ZPBP: variants seen among roughly 807,000 people sequenced by gnomAD.
The protein encoded by ZPBP is zona pellucida-binding protein 1.
ZPBP carries 26 observed loss-of-function variants against 44.8 expected under a neutral mutation model. The observed-to-expected ratio is 0.58, with a 90% CI of 0.43 to 0.81. ZPBP has a LOEUF of 0.81. Ranked by LOEUF, ZPBP falls within the 30% of genes least tolerant of loss-of-function variation. ZPBP has a pLI of 0.00. For synonymous variants in ZPBP, 174 were observed against 153.2 expected (o/e 1.14, Z -1.00); for missense variants, 409 against 434.0 (o/e 0.94, Z 0.51).
intron 3 of ZPBP, among the ~76,000 whole-genome samples, chr7:50,064,021 T>G (rs762361324): frequency 6.6e-6 from 1 of 152,212 alleles, no homozygotes; most frequent in African/African-American, 2.4e-5. Context: ...CAGTCTCTTA[T>G]GTATCGGGGG....
chr7:50,002,901 A>G (rs147858383), intron 6 of ZPBP, among the ~76,000 whole-genome samples: 32 of 152,348 alleles, frequency 2.1e-4, no homozygotes, highest in African/African-American at 7.0e-4. Context: ...TTTGGGATAA[A>G]ACATTTATTG....
chr7:49,937,705 A>G, intron 7 of ZPBP, 83 bp from the exon 8 acceptor site: 1 of 1,116,212 alleles, frequency 9.0e-7, no homozygotes, highest in Non-Finnish European at 1.4e-6. Context: ...TTTTAAGTGT[A>G]TAGTTCAGTA....
chr7:49,877,683 TG>T (rs1285648905), intron 2 of ZPBP, among the ~76,000 whole-genome samples: 1 of 149,768 alleles, frequency 6.7e-6, no homozygotes, highest in Admixed American at 6.7e-5. Context: ...AGTCATGAAC[TG>T]GGTGTCAGGA....
At chr7:50,014,611 C>A (rs1798738344) in intron 6 of ZPBP, among the ~76,000 whole-genome samples, 1 of 151,330 alleles carries the variant, frequency 6.6e-6, no homozygotes, top group African/African-American at 2.4e-5. Flanking sequence ...ATTACAGGCA[C>A]CTACCACCAC....
chr7:49,931,878 G>A (rs1463568316), intron 1 of ZPBP, among the ~76,000 whole-genome samples: 2 of 152,258 alleles, frequency 1.3e-5, no homozygotes, highest in African/African-American at 4.8e-5. Flanking sequence ...GGGCCATGGT[G>A]CCCTGCACGT....
chr7:49,927,133 C>T (rs1794267600), intron 1 of ZPBP, among the ~76,000 whole-genome samples: 1 of 152,154 alleles, frequency 6.6e-6, no homozygotes, highest in Admixed American at 6.5e-5. Flanking sequence ...TAACTTTTAC[C>T]ACAGGACAAG....
At chr7:50,038,668 A>G (rs1408716158) in intron 4 of ZPBP, among the ~76,000 whole-genome samples, 2 of 152,250 alleles carry the variant, frequency 1.3e-5, no homozygotes, top group Admixed American at 6.5e-5. Context: ...TACAATATAC[A>G]GTCATGTGCT....
chr7:50,066,483 GGGC>G lies in ZPBP; in HGVS notation c.335-8345_335-8343del, dbSNP rs1189317328. On this transcript the variant is annotated intron_variant, in intron 3 of 7. Transcript: ENST00000046087. ...TACCCAGGTAGTGTCTACACAGTGT[GGGC>G]ATTTTTCTAGAGATTTCTTCCCTTT... Among the ~76,000 whole-genome samples, 290 of 152,188 alleles carry G rather than the reference GGGC, an allele frequency of 1.9e-3. 4 individuals are homozygous for G. The highest frequency in any genetic ancestry group is 6.7e-3 in the African/African-American group (277 of 41,526).
chr7:50,018,360 G>T, intron 5 of ZPBP, 44 bp from the exon 6 acceptor site: 1 of 1,354,830 alleles, frequency 7.4e-7, no homozygotes, highest in Non-Finnish European at 1.0e-6. Flanking sequence ...AATGTATTCT[G>T]TCACAATATT....
At chr7:49,974,316 A>G (rs1480977870) in intron 7 of ZPBP, among the ~76,000 whole-genome samples, 1 of 152,188 alleles carries the variant, frequency 6.6e-6, no homozygotes. Flanking sequence ...TTACCAATAA[A>G]AAAAAAGTAG....
At chr7:50,084,619 T>C (rs1802539234) in intron 2 of ZPBP, among the ~76,000 whole-genome samples, 2 of 151,968 alleles carry the variant, frequency 1.3e-5, no homozygotes, top group South Asian at 4.1e-4. Flanking sequence ...GCAGTCAGTA[T>C]ATTATGGGCC....
At chr7:49,898,413 A>G (rs1398499977) in intron 2 of ZPBP, among the ~76,000 whole-genome samples, 1 of 151,984 alleles carries the variant, frequency 6.6e-6, no homozygotes, top group Non-Finnish European at 1.5e-5. Context: ...CTTTCTCGCT[A>G]AAGAACTTTG....
downstream of ZPBP, among the ~76,000 whole-genome samples, chr7:49,847,785 G>C (rs569331129): frequency 4.1e-4 from 63 of 152,288 alleles, no homozygotes; most frequent in African/African-American, 1.4e-3. Context: ...CCTGTGTCTG[G>C]AACCTGGCCC....
chr7:49,925,832 G>A (rs1794217007), intron 1 of ZPBP, among the ~76,000 whole-genome samples: 1 of 152,170 alleles, frequency 6.6e-6, no homozygotes, highest in Non-Finnish European at 1.5e-5. Context: ...CTAAAATAGG[G>A]CAGTCACTAT....
At chr7:49,955,102 A>G (rs968113437) in intron 7 of ZPBP, among the ~76,000 whole-genome samples, 2 of 152,214 alleles carry the variant, frequency 1.3e-5, no homozygotes, top group Non-Finnish European at 2.9e-5. Context: ...AAATTATAAA[A>G]TTAGATAATA....
rs1796869925 is a variant in ZPBP at position 49,981,307 on chromosome 7, T to TTATATATTATATAATATATATTATAATTA, written c.961+2006_961+2034dup. Among the ~76,000 whole-genome samples, 9 of 55,226 alleles carry TTATATATTATATAATATATATTATAATTA rather than the reference T, an allele frequency of 1.6e-4. No individual in the cohort carries two copies. The East Asian group carries it at 2.5e-3, about 15-fold the overall frequency. The allele number at this position is 55,226 out of a possible 152,430, so 36.2% of individuals were successfully genotyped here. On this transcript the variant is annotated intron_variant, in intron 7 of 7. Coordinates refer to ENST00000046087, the MANE Select transcript of ZPBP (RefSeq NM_007009.3). ...ATTATATAATATATATTATATATAA[T>TTATATATTATATAATATATATTATAATTA]TATATATTATATAATATATATTATA...
At chr7:50,085,087 A>G (rs981866090) in intron 2 of ZPBP, among the ~76,000 whole-genome samples, 1 of 152,104 alleles carries the variant, frequency 6.6e-6, no homozygotes. Context: ...GTCAGGTTAA[A>G]ATGAAGTCAT....
At chr7:49,869,010 G>A (rs1250481294) in intron 2 of ZPBP, among the ~76,000 whole-genome samples, 1 of 152,182 alleles carries the variant, frequency 6.6e-6, no homozygotes, top group Admixed American at 6.5e-5. Flanking sequence ...GAAGGGATAA[G>A]CTATGAATTA....
chr7:50,082,032 A>C lies in ZPBP; in HGVS notation c.209-133T>G, dbSNP rs1336371506. On this transcript the variant is annotated intron_variant, in intron 2 of 7. Transcript: ENST00000046087. ...AATTATTGCTCCTATTACTTGATAA[A>C]AACTAAATTTCATTGCATTCTATGC... 3 of 998,004 alleles carry C rather than the reference A, an allele frequency of 3.0e-6. No homozygotes were observed. In the African/African-American group the frequency reaches 4.9e-5, roughly 16 times the overall value. The allele number at this position is 998,004 out of a possible 1,614,324, so 61.8% of individuals were successfully genotyped here.
Sources: allele counts gnomAD v4.1 joint callset (sites outside exome capture counted in the v4.1 genomes callset), GRCh38; gene constraint gnomAD v4.1.1; transcripts MANE v1.5; gene names NCBI Gene and HGNC (gene_info 2026-07-23, HGNC 2026-07-21).